Variants in DNAH11 observed in about 807,000 individuals in gnomAD.
DNAH11 encodes axonemal beta dynein heavy chain 11.
DNAH11 carries 442 observed loss-of-function variants against 526.0 expected under a neutral mutation model. The ratio of observed to expected loss-of-function variants is 0.84; its 90% CI spans 0.78 to 0.91. DNAH11 has a LOEUF of 0.91. Among genes scored for constraint, DNAH11 ranks in the 40% least tolerant of loss-of-function variants. The pLI, the probability that DNAH11 is intolerant of heterozygous loss-of-function variation, is 0.00. For synonymous variants in DNAH11, 2,461 were observed against 1,935.9 expected (o/e 1.27, Z -7.12); for missense variants, 6,989 against 5,448.7 (o/e 1.28, Z -8.90).
At chr7:21,850,608 CTTTTTTTTTT>C (rs3062635) in intron 66 of DNAH11, among the ~76,000 whole-genome samples, 2 of 62,658 alleles carry the variant, frequency 3.2e-5, no homozygotes, top group Non-Finnish European at 5.7e-5. Flanking sequence ...CTGTCTTCTT[CTTTTTTTTTT>C]TTTTTTTTTT....
At position 21,773,959 on chromosome 7, in the gene DNAH11, T is replaced by C; in HGVS notation, c.9296T>C (p.Leu3099Pro). The C allele has an allele frequency of 6.3e-7, 1 of 1,580,214 alleles. No homozygotes were observed. The highest frequency in any genetic ancestry group is 8.6e-7 in the Non-Finnish European group (1 of 1,163,396). ...QNEVSEKKER[L>P]VNGIQKLKTT... ...GAGGTATCCGAGAAAAAAGAACGCC[T>C]GGTGAACGGCATCCAAAAGCTAAAA... The change falls in exon 56 of 82, where the codon CTG (leucine) becomes CCG (proline). Residue 3099 changes from leucine to proline, a missense_variant. By Grantham distance (98) the Leu-to-Pro change is moderately conservative. Coordinates refer to ENST00000409508, the MANE Select transcript of DNAH11 (RefSeq NM_001277115.2).
intron 48 of DNAH11, 30 bp downstream of exon 48, chr7:21,739,703 T>C (rs753905436): frequency 3.3e-6 from 5 of 1,538,342 alleles, no homozygotes; most frequent in Non-Finnish European, 4.5e-6. Flanking sequence ...TCTCAAAAAC[T>C]GTAGGTCTGT....
At chr7:21,832,010 A>T (rs1006083520) in intron 65 of DNAH11, among the ~76,000 whole-genome samples, 8 of 152,096 alleles carry the variant, frequency 5.3e-5, no homozygotes, top group African/African-American at 1.7e-4. Context: ...GAATTGTTTG[A>T]ACCCGGGAGG....
At chr7:21,798,421 G>C (rs909425729) in intron 61 of DNAH11, among the ~76,000 whole-genome samples, 3 of 152,200 alleles carry the variant, frequency 2.0e-5, no homozygotes, top group African/African-American at 7.2e-5. Flanking sequence ...TAAACTCGAA[G>C]ATGGATACTC....
intron 14 of DNAH11, among the ~76,000 whole-genome samples, chr7:21,592,162 G>A (rs1372377596): frequency 6.6e-6 from 1 of 152,168 alleles, no homozygotes; most frequent in African/African-American, 2.4e-5. Context: ...ATTTCATGGA[G>A]CTTACACTCT....
chr7:21,549,965 A>AG (rs1050929572), intron 2 of DNAH11, among the ~76,000 whole-genome samples: 32 of 152,114 alleles, frequency 2.1e-4, no homozygotes, highest in South Asian at 2.1e-4. Flanking sequence ...CTGATTGAGT[A>AG]GGGGGGAGTC....
At chr7:21,574,006 G>A (rs539502215) in intron 8 of DNAH11, among the ~76,000 whole-genome samples, 26 of 152,194 alleles carry the variant, frequency 1.7e-4, no homozygotes, top group Non-Finnish European at 2.5e-4. Context: ...GTTTGCTGCC[G>A]TGGTCCATTT....
Position 21,868,812 on chromosome 7 carries a change from T to C in DNAH11, c.11840-52T>C, listed in dbSNP as rs566418678. On this transcript the variant is annotated intron_variant, in intron 72 of 81. Transcript: ENST00000409508. ...ATTAGACCACAGAATTCCAGGCTCC[T>C]CTCACCCTCCTTCATAGACATTTCC... The C allele has an allele frequency of 2.5e-6, 4 of 1,610,628 alleles. No individual in the cohort carries two copies. In the African/African-American group the frequency reaches 5.3e-5, roughly 21 times the overall value.
chr7:21,626,056 T>C (rs564234262), intron 25 of DNAH11, among the ~76,000 whole-genome samples: 8 of 152,278 alleles, frequency 5.3e-5, no homozygotes, highest in African/African-American at 1.4e-4. Flanking sequence ...AATATTTGTC[T>C]TTGTGCTAAA....
intron 45 of DNAH11, among the ~76,000 whole-genome samples, chr7:21,727,678 G>T (rs1279645025): frequency 6.6e-6 from 1 of 152,164 alleles, no homozygotes; most frequent in Non-Finnish European, 1.5e-5. Context: ...TTTTGGGAGT[G>T]CTGTATGAGT....
intron 61 of DNAH11, among the ~76,000 whole-genome samples, chr7:21,791,334 T>C (rs570263560): frequency 6.6e-6 from 1 of 152,328 alleles, no homozygotes; most frequent in South Asian, 2.1e-4. Context: ...GGGAAGAATC[T>C]CTCTGCATTG....
chr7:21,721,442 A>AT (rs1784871751), intron 44 of DNAH11, among the ~76,000 whole-genome samples: 1 of 152,180 alleles, frequency 6.6e-6, no homozygotes, highest in Non-Finnish European at 1.5e-5. Flanking sequence ...TCAGATCGCC[A>AT]TAACAAAATA....
intron 14 of DNAH11, among the ~76,000 whole-genome samples, chr7:21,598,291 G>C (rs1330593662): frequency 6.6e-6 from 1 of 152,128 alleles, no homozygotes; most frequent in Non-Finnish European, 1.5e-5. Flanking sequence ...GACCATGCAA[G>C]TTTAGCCACT....
intron 47 of DNAH11, among the ~76,000 whole-genome samples, chr7:21,739,129 C>T (rs571436869): frequency 5.9e-5 from 9 of 152,166 alleles, no homozygotes; most frequent in African/African-American, 1.7e-4. Flanking sequence ...TAAGACTGTC[C>T]GGAAATCATG....
At chr7:21,568,983 G>A (rs1312985337) in intron 6 of DNAH11, among the ~76,000 whole-genome samples, 1 of 152,146 alleles carries the variant, frequency 6.6e-6, no homozygotes, top group African/African-American at 2.4e-5. Context: ...CTCATGTGGA[G>A]GTTAATTTTC....
chr7:21,754,756 C>T (rs1168106937), intron 54 of DNAH11, among the ~76,000 whole-genome samples: 2 of 152,126 alleles, frequency 1.3e-5, no homozygotes, highest in East Asian at 3.9e-4. Context: ...CAGTTTGATC[C>T]ACCCTGTGGA....
At chr7:21,573,134 T>C (rs1286578746) in intron 8 of DNAH11, among the ~76,000 whole-genome samples, 1 of 152,190 alleles carries the variant, frequency 6.6e-6, no homozygotes, top group Non-Finnish European at 1.5e-5. Flanking sequence ...TTAGAGAATG[T>C]GGCCAGGTTT....
At chr7:21,703,287 G>C (rs902638985) in intron 37 of DNAH11, among the ~76,000 whole-genome samples, 2 of 152,164 alleles carry the variant, frequency 1.3e-5, no homozygotes, top group African/African-American at 2.4e-5. Context: ...GAAATGTTCT[G>C]CTCTCCTTCC....
intron 55 of DNAH11, among the ~76,000 whole-genome samples, chr7:21,769,245 C>G (rs935206415): frequency 1.3e-5 from 2 of 152,182 alleles, no homozygotes; most frequent in African/African-American, 4.8e-5. Context: ...ACATCCTTCC[C>G]CATTCTTCAA....
Sources: gnomAD v4.1 joint callset for allele counts (sites outside exome capture counted in the v4.1 genomes callset) on GRCh38, gnomAD v4.1.1 for gene constraint, MANE v1.5 for transcripts, NCBI Gene and HGNC (gene_info 2026-07-23, HGNC 2026-07-21) for gene names.